Variants in MLIP observed in about 807,000 individuals in gnomAD.
MLIP encodes the protein muscular LMNA-interacting protein.
A neutral mutation model predicts 84.8 loss-of-function variants in MLIP; 79 were observed. The ratio of observed to expected loss-of-function variants is 0.93; its 90% CI spans 0.78 to 1.12. MLIP has a LOEUF of 1.12. Ranked by LOEUF, MLIP falls within the 50% of genes most tolerant of loss-of-function variation. The pLI, the probability that MLIP is intolerant of heterozygous loss-of-function variation, is 0.00. For missense variants in MLIP, 1,257 were observed against 1,160.6 expected, an observed-to-expected ratio of 1.08 and a Z score of -1.21; for synonymous variants, 504 against 463.0, an observed-to-expected ratio of 1.09 and a Z score of -1.14.
At position 54,106,198 on chromosome 6, in the gene MLIP, AGT is replaced by A. The variant is rs573406581; in HGVS notation, c.64-15248_64-15247del. 7.9e-4 allele frequency among the ~76,000 whole-genome samples: 120 copies of A among 152,188 alleles called. No individual in the cohort carries two copies. The Middle Eastern group carries it at 0.01, about 13-fold the overall frequency. ...AGCTCTGGAATGGATTCCTCTCTAG[AGT>A]TGTTTCAAGCTGGAGTGAGGGGGCC... On this transcript the variant is annotated intron_variant, in intron 1 of 12. Transcript: ENST00000274897.
intron 13 of MLIP, among the ~76,000 whole-genome samples, chr6:54,262,794 AAAG>A (rs981289535): frequency 1.3e-5 from 2 of 152,076 alleles, no homozygotes; most frequent in African/African-American, 4.8e-5. Flanking sequence ...GCTTTAAGAA[AAAG>A]AAGGAGGAGG....
chr6:54,031,225 TA>T (rs1455858284), intron 1 of MLIP, among the ~76,000 whole-genome samples: 2 of 150,456 alleles, frequency 1.3e-5, no homozygotes, highest in Non-Finnish European at 3.0e-5. Context: ...TTTTTTTTTG[TA>T]AAAAAATTGT....
At chr6:54,219,821 G>A (rs960378777) in intron 11 of MLIP, among the ~76,000 whole-genome samples, 2 of 152,178 alleles carry the variant, frequency 1.3e-5, no homozygotes, top group Non-Finnish European at 2.9e-5. Flanking sequence ...AACTTGGGGT[G>A]ATGGACAGTG....
chr6:54,182,121 C>T (rs1776934666), intron 9 of MLIP, among the ~76,000 whole-genome samples: 1 of 152,152 alleles, frequency 6.6e-6, no homozygotes, highest in African/African-American at 2.4e-5. Context: ...GACTTTCCTC[C>T]GTTTGCCTAG....
At chr6:54,053,274 A>G (rs905765547) in intron 1 of MLIP, among the ~76,000 whole-genome samples, 6 of 152,316 alleles carry the variant, frequency 3.9e-5, no homozygotes, top group East Asian at 3.9e-4. Context: ...AATGTCAGCT[A>G]TTTCACAAGG....
chr6:54,078,532 C>CA (rs1324445417), intron 1 of MLIP, among the ~76,000 whole-genome samples: 1 of 152,090 alleles, frequency 6.6e-6, no homozygotes, highest in Non-Finnish European at 1.5e-5. Context: ...GCCTGTGAGC[C>CA]ATGATTGTGC....
At chr6:54,126,842 T>C (rs752998937) in intron 3 of MLIP, among the ~76,000 whole-genome samples, 1 of 151,964 alleles carries the variant, frequency 6.6e-6, no homozygotes, top group South Asian at 2.1e-4. Context: ...AATGAATCCA[T>C]ATATAGAATT....
At chr6:54,037,523 T>C (rs1191374145) in intron 1 of MLIP, among the ~76,000 whole-genome samples, 3 of 151,868 alleles carry the variant, frequency 2.0e-5, no homozygotes, top group African/African-American at 7.2e-5. Context: ...GAAAGAGGCT[T>C]AATAGATGTC....
At chr6:54,241,919 A>G (rs1781762916) in intron 12 of MLIP, among the ~76,000 whole-genome samples, 1 of 152,214 alleles carries the variant, frequency 6.6e-6, no homozygotes, top group Admixed American at 6.5e-5. Flanking sequence ...CTCCACTTAT[A>G]ATAAGGCAAG....
At chr6:54,115,132 CCTT>C (rs1388913804) in intron 1 of MLIP, among the ~76,000 whole-genome samples, 1 of 152,026 alleles carries the variant, frequency 6.6e-6, no homozygotes, top group Admixed American at 6.6e-5. Flanking sequence ...CATTGAAAAG[CCTT>C]CTTGAGGCTC....
intron 1 of MLIP, among the ~76,000 whole-genome samples, chr6:54,080,373 A>T (rs1378740569): frequency 1.3e-5 from 2 of 151,998 alleles, no homozygotes; most frequent in African/African-American, 2.4e-5. Flanking sequence ...CCCCCACCCC[A>T]GTTTTAGGAA....
chr6:54,038,488 TA>T (rs1225717208), intron 1 of MLIP, among the ~76,000 whole-genome samples: 11 of 151,942 alleles, frequency 7.2e-5, no homozygotes, highest in African/African-American at 2.4e-4. Flanking sequence ...TTTATAAGAA[TA>T]ATTGTAATTT....
chr6:54,151,915 T>C (rs1773485539), intron 5 of MLIP, among the ~76,000 whole-genome samples: 1 of 152,194 alleles, frequency 6.6e-6, no homozygotes, highest in Admixed American at 6.6e-5. Flanking sequence ...TAATCAACCC[T>C]GGATGAAGCC....
intron 1 of MLIP, among the ~76,000 whole-genome samples, chr6:54,028,497 A>T (rs1201155945): frequency 1.3e-5 from 2 of 152,222 alleles, no homozygotes; most frequent in Admixed American, 1.3e-4. Context: ...TGTTAGCATA[A>T]ATTAATACAC....
intron 9 of MLIP, among the ~76,000 whole-genome samples, chr6:54,188,427 T>G (rs1777603111): frequency 6.6e-6 from 1 of 152,144 alleles, no homozygotes; most frequent in Admixed American, 6.5e-5. Flanking sequence ...ACTCTTATTC[T>G]ATAAGTTTTT....
intron 1 of MLIP, among the ~76,000 whole-genome samples, chr6:54,089,778 G>A (rs1767738848): frequency 6.6e-6 from 1 of 152,064 alleles, no homozygotes; most frequent in Admixed American, 6.6e-5. Flanking sequence ...TGTTTCTAAA[G>A]TACAGCCTGA....
chr6:54,057,026 T>G (rs1163103984), intron 1 of MLIP, among the ~76,000 whole-genome samples: 1 of 152,210 alleles, frequency 6.6e-6, no homozygotes, highest in Non-Finnish European at 1.5e-5. Context: ...ATGCTTACCT[T>G]TGTCAGACAT....
At chr6:54,214,706 C>G (rs1485820579) in intron 11 of MLIP, among the ~76,000 whole-genome samples, 4 of 152,102 alleles carry the variant, frequency 2.6e-5, no homozygotes, top group Non-Finnish European at 5.9e-5. Context: ...TTCCTTTTTG[C>G]AATTCTGCTT....
At chr6:54,129,186 G>A (rs1453863866) in intron 3 of MLIP, among the ~76,000 whole-genome samples, 6 of 151,932 alleles carry the variant, frequency 3.9e-5, no homozygotes, top group East Asian at 3.9e-4. Context: ...ATTTGGATGG[G>A]GCATTAGACA....
Sources: gnomAD v4.1 joint callset for allele counts (sites outside exome capture counted in the v4.1 genomes callset) on GRCh38, gnomAD v4.1.1 for gene constraint, MANE v1.5 for transcripts, NCBI Gene and HGNC (gene_info 2026-07-23, HGNC 2026-07-21) for gene names.